CORO1B: variants seen among roughly 807,000 people sequenced by gnomAD.
CORO1B encodes coronin 1B, also known as coronin-1B.
CORO1B carries 30 observed loss-of-function variants against 51.1 expected under a neutral mutation model. That is an observed-to-expected ratio of 0.59 (90% CI 0.44 to 0.80). CORO1B has a LOEUF of 0.80. Among genes scored for constraint, CORO1B ranks in the 30% least tolerant of loss-of-function variants. CORO1B has a pLI of 0.00. For synonymous variants in CORO1B, 310 were observed against 289.7 expected (o/e 1.07, Z -0.71); for missense variants, 648 against 700.4 (o/e 0.93, Z 0.84).
rs755075143 is a variant in CORO1B, at chr11:67,441,173, G to C, written c.708C>G (p.Thr236=). ...GCTCGCTCATTCGGCTGAAGCCTGT[G>C]GTGAACACCTTGCCATCTGCCAGGA... ...AIFLADGKVF[T]TGFSRMSERQ... Residue 236 remains threonine (T), a synonymous_variant, in exon 6 of 11, where the codon ACC becomes ACG. Coordinates refer to ENST00000341356, the MANE Select transcript of CORO1B (RefSeq NM_020441.3). 1.8e-5 allele frequency: 29 copies of C among 1,613,034 alleles called. No individual in the cohort carries two copies. Among genetic ancestry groups the C allele is most frequent in the Non-Finnish European group, 2.5e-5 (29 of 1,180,024 alleles).
At position 67,436,431 on chromosome 11, in the gene CORO1B, A is replaced by ACTTTCGTTTTTTTCT; in HGVS notation, c.*1930_*1944dup. On this transcript the variant is annotated 3_prime_UTR_variant, in exon 11 of 11. Coordinates refer to ENST00000341356, the MANE Select transcript of CORO1B (RefSeq NM_020441.3). ...TGGGGCAGGCTGGGTGACCAAGACC[A>ACTTTCGTTTTTTTCT]CTTTCGTTTTTTTCTCTTTGGGATC... 7.1e-7 allele frequency: 1 copy of ACTTTCGTTTTTTTCT among 1,401,270 alleles called. No individual in the cohort carries two copies. Among genetic ancestry groups the ACTTTCGTTTTTTTCT allele is most frequent in the Non-Finnish European group, 9.3e-7 (1 of 1,078,482 alleles). 86.8% of individuals were successfully genotyped at this position (1,401,270 alleles called of 1,614,324 possible). A position where few individuals can be genotyped will look rare whatever the true frequency, so the allele number is the denominator to read the frequency against.
Position 67,437,725 on chromosome 11 carries a change from G to T in CORO1B, c.*651C>A. 2 of 1,243,756 alleles carry T rather than the reference G, an allele frequency of 1.6e-6. No homozygotes were observed. Among genetic ancestry groups the T allele is most frequent in the Non-Finnish European group, 2.1e-6 (2 of 960,494 alleles). The allele number at this position is 1,243,756 out of a possible 1,614,324, so 77.0% of individuals were successfully genotyped here. A position where few individuals can be genotyped will look rare whatever the true frequency, so the allele number is the denominator to read the frequency against. The stretch of plus-strand genomic sequence containing the variant: ...GCAGTGAAGGGTGGCCCAGGCTTCC[G>T]CTTCCTGCCCACATACCCCACCTGC... On this transcript the variant is annotated 3_prime_UTR_variant, in exon 11 of 11. Transcript: ENST00000341356.
chr11:67,437,275 T>C lies in CORO1B; in HGVS notation c.*1101A>G, dbSNP rs1864306267. ...GTCGGAACAGGCTAGGTGGGGGGTGTCGGGGGAGGGGTGCTGAGGTGCAGC... is the reference window on the plus strand; with the variant it reads ...GTCGGAACAGGCTAGGTGGGGGGTGCCGGGGGAGGGGTGCTGAGGTGCAGC... On this transcript the variant is annotated 3_prime_UTR_variant, in exon 11 of 11. Coordinates refer to ENST00000341356, the MANE Select transcript of CORO1B (RefSeq NM_020441.3). The C allele has an allele frequency of 3.7e-6, 1 of 267,118 alleles. No homozygotes were observed. The highest frequency in any genetic ancestry group is 9.9e-4 in the Middle Eastern group (1 of 1,006). 16.5% of individuals were successfully genotyped at this position (267,118 alleles called of 1,614,324 possible).
Position 67,435,909 on chromosome 11 carries a change from C to T in CORO1B, c.*2467G>A, listed in dbSNP as rs1864261396. ...CCCTCCGTGTCACTGTCTCTGGCTT[C>T]CTCAGCCCGCACGGGGACCTGCTCT... On this transcript the variant is annotated 3_prime_UTR_variant, in exon 11 of 11. Transcript: ENST00000341356. 5 of 1,612,598 alleles carry T rather than the reference C, an allele frequency of 3.1e-6. No homozygotes were observed. The highest frequency in any genetic ancestry group is 4.2e-6 in the Non-Finnish European group (5 of 1,179,680).
At position 67,441,514 on chromosome 11, in the gene CORO1B, C is replaced by T. The variant is rs1864393893; in HGVS notation, c.455G>A (p.Gly152Asp). ...CCAGATGAGTACCACGTTGTCGCAG[C>T]CTGGCAGGTGAGGGTTGTCAGCTCG... ...PTARNVLLSA[G>D]CDNVVLIWNV... Residue 152 changes from glycine (G) to aspartate (D), a missense_variant and splice_region_variant, in exon 5 of 11, where the codon GGC (glycine) becomes GAC (aspartate). Coordinates refer to ENST00000341356, the MANE Select transcript of CORO1B (RefSeq NM_020441.3). 4 of 1,610,634 alleles carry T rather than the reference C, an allele frequency of 2.5e-6. No homozygotes were observed. Among genetic ancestry groups the T allele is most frequent in the Non-Finnish European group, 3.4e-6 (4 of 1,178,024 alleles).
At position 67,436,357 on chromosome 11, in the gene CORO1B, G is replaced by A. The variant is rs777588354; in HGVS notation, c.*2019C>T. On this transcript the variant is annotated 3_prime_UTR_variant, in exon 11 of 11. Transcript: ENST00000341356. ...CTAAGGTGCAGGGCAGAGCCTGTGGGAGACAGGCAGGGGCTCAGAGGGCTC... is the reference window on the plus strand; with the variant it reads ...CTAAGGTGCAGGGCAGAGCCTGTGGAAGACAGGCAGGGGCTCAGAGGGCTC... 8.3e-6 allele frequency: 12 copies of A among 1,449,924 alleles called. No individual in the cohort carries two copies. Among genetic ancestry groups the A allele is most frequent in the East Asian group, 2.5e-5 (1 of 39,700 alleles). The allele number at this position is 1,449,924 out of a possible 1,614,324, so 89.8% of individuals were successfully genotyped here.
Position 67,442,590 on chromosome 11 carries a change from C to T in CORO1B, c.39G>A (p.Arg13=). The T allele has an allele frequency of 6.2e-7, 1 of 1,613,752 alleles. No homozygotes were observed. Among genetic ancestry groups the T allele is most frequent in the African/African-American group, 1.3e-5 (1 of 75,060 alleles). Residue 13 remains arginine, a synonymous_variant, in exon 2 of 11, where the codon CGG becomes CGA. Coordinates refer to ENST00000341356, the MANE Select transcript of CORO1B (RefSeq NM_020441.3). ...TCTTGACCGGCTGCCCGAACACATG[C>T]CGGAATTTGCTCTGCCGGACCACTT... ...FRKVVRQSKF[R]HVFGQPVKND... is the part of the protein sequence containing the mutation.
intron 6 of CORO1B, chr11:67,440,766 A>G (rs1206144611): frequency 2.0e-5 from 13 of 644,496 alleles, no homozygotes; most frequent in Non-Finnish European, 3.4e-5. Context: ...GGAGGTCACT[A>G]TGCAGAAGCA....
Position 67,443,069 on chromosome 11 carries a change from G to C in CORO1B, c.-3+335C>G, listed in dbSNP as rs528710609. On this transcript the variant is annotated intron_variant, in intron 1 of 10. Coordinates refer to ENST00000341356, the MANE Select transcript of CORO1B (RefSeq NM_020441.3). ...AGCAGGAAAAGTCTCTCTACTGTGGGGCCGAGTGAGTGCCCAGTTCTGAGT... is the reference window on the plus strand; with the variant it reads ...AGCAGGAAAAGTCTCTCTACTGTGGCGCCGAGTGAGTGCCCAGTTCTGAGT... Among the ~76,000 whole-genome samples, 15 of 152,324 alleles carry C rather than the reference G, an allele frequency of 9.8e-5. No individual in the cohort carries two copies. In the South Asian group the frequency reaches 3.1e-3, roughly 32 times the overall value.
In CORO1B at chr11:67,436,282, G is replaced by T; in HGVS notation, c.*2094C>A. 1 of 1,536,692 alleles carries T rather than the reference G, an allele frequency of 6.5e-7. No homozygotes were observed. Reference sequence around the variant, plus strand: ...AGCTGGAGCCCACGCTGTCCTCCGCGCTGCCACCCGAGCCCAAGGCCCCTG... The same window carrying T: ...AGCTGGAGCCCACGCTGTCCTCCGCTCTGCCACCCGAGCCCAAGGCCCCTG... On this transcript the variant is annotated 3_prime_UTR_variant, in exon 11 of 11. Coordinates refer to ENST00000341356, the MANE Select transcript of CORO1B (RefSeq NM_020441.3).
chr11:67,440,463 C>T, intron 6 of CORO1B, 24 bp from the exon 7 acceptor site: 3 of 1,606,104 alleles, frequency 1.9e-6, no homozygotes, highest in Non-Finnish European at 2.6e-6. Context: ...GGCAGTCAGG[C>T]CAAGCAGAAC....
Position 67,438,021 on chromosome 11 carries a change from C to T in CORO1B, c.*355G>A, listed in dbSNP as rs1864320346. 5.6e-6 allele frequency: 2 copies of T among 354,920 alleles called. No individual in the cohort carries two copies. The highest frequency in any genetic ancestry group is 1.0e-5 in the Non-Finnish European group (2 of 196,944). The allele number at this position is 354,920 out of a possible 1,614,324, so 22.0% of individuals were successfully genotyped here. On this transcript the variant is annotated 3_prime_UTR_variant, in exon 11 of 11. Coordinates refer to ENST00000341356, the MANE Select transcript of CORO1B (RefSeq NM_020441.3). The stretch of plus-strand genomic sequence containing the variant: ...TCTCCAGGTTTCCAGACTTCTCAGC[C>T]CCACCCTTGCAGCAGCAGGTCAGCC...
chr11:67,438,387 C>G lies in CORO1B; in HGVS notation c.1459G>C (p.Gly487Arg). The change falls in exon 11 of 11, where the codon GGG (glycine) becomes CGG (arginine). Residue 487 changes from glycine (G) to arginine (R), a missense_variant. Coordinates refer to ENST00000341356, the MANE Select transcript of CORO1B (RefSeq NM_020441.3). ...GTGTGGCTGTGGCCCTACGCATCCC[C>G]GTTCTCCATGCGGCCCAGCTGCTCC... ...LEEQLGRMEN[G>R]DA The G allele has an allele frequency of 6.2e-7, 1 of 1,606,038 alleles. No homozygotes were observed. The highest frequency in any genetic ancestry group is 1.1e-5 in the South Asian group (1 of 90,886).
At position 67,438,243 on chromosome 11, in the gene CORO1B, G is replaced by A. The variant is rs911925436; in HGVS notation, c.*133C>T. 2.6e-6 allele frequency: 3 copies of A among 1,135,088 alleles called. No homozygotes were observed. Among genetic ancestry groups the A allele is most frequent in the Non-Finnish European group, 3.7e-6 (3 of 810,832 alleles). The allele number at this position is 1,135,088 out of a possible 1,614,324, so 70.3% of individuals were successfully genotyped here. A position where few individuals can be genotyped will look rare whatever the true frequency, so the allele number is the denominator to read the frequency against. On this transcript the variant is annotated 3_prime_UTR_variant, in exon 11 of 11. Coordinates refer to ENST00000341356, the MANE Select transcript of CORO1B (RefSeq NM_020441.3). ...GCTGGCTTCGGCCTGGGCCTGGGAC[G>A]GGTGGGGGTGGGAACTGACCCCTGC...
At chr11:67,440,693 G>A (rs1054753145) in intron 6 of CORO1B, 140 of 671,030 alleles carry the variant, frequency 2.1e-4, no homozygotes, top group Non-Finnish European at 3.4e-4. Flanking sequence ...AGCAAGTGCT[G>A]AAACATACCT....
chr11:67,442,154 G>A (rs1024369675), intron 2 of CORO1B, 66 bp from the exon 3 acceptor site: 5 of 1,584,176 alleles, frequency 3.2e-6, no homozygotes, highest in South Asian at 2.2e-5. Flanking sequence ...CCCCTCCATG[G>A]AGTGGGAATG....
At chr11:67,442,887 G>A (rs1236375866) in intron 1 of CORO1B, among the ~76,000 whole-genome samples, 4 of 152,172 alleles carry the variant, frequency 2.6e-5, no homozygotes, top group Non-Finnish European at 5.9e-5. Context: ...AGGACGCAGG[G>A]CCCCTCCCTG....
rs749149418 is a variant in CORO1B at position 67,438,474 on chromosome 11, G to A, written c.1372C>T (p.Gln458Ter). The A allele has an allele frequency of 1.9e-6, 3 of 1,610,104 alleles. No individual in the cohort carries two copies. The highest frequency in any genetic ancestry group is 2.2e-5 in the South Asian group (2 of 90,970). ...AGCGCCCTCAGGGCCCGCAGCTCCTGCATCACCTCCTCCAGCTTCCCAGCC... is the reference window on the plus strand; with the variant it reads ...AGCGCCCTCAGGGCCCGCAGCTCCTACATCACCTCCTCCAGCTTCCCAGCC... Reference protein sequence around the residue: ...GEAGKLEEVMQELRALRALVK... With the variant: ...GEAGKLEEVM Residue 458 changes from glutamine to a stop codon, truncating the protein, a stop_gained, in exon 11 of 11, where the codon CAG (glutamine) becomes TAG (stop). Transcript: ENST00000341356. LOFTEE classifies it high-confidence loss of function.
intron 1 of CORO1B, among the ~76,000 whole-genome samples, chr11:67,443,009 T>G (rs999017557): frequency 6.6e-6 from 1 of 151,978 alleles, no homozygotes; most frequent in African/African-American, 2.4e-5. Flanking sequence ...TCCCAGAGAT[T>G]TGGAGGCTAG....
Sources: gnomAD v4.1 joint callset for allele counts (sites outside exome capture counted in the v4.1 genomes callset) on GRCh38, gnomAD v4.1.1 for gene constraint, MANE v1.5 for transcripts, NCBI Gene and HGNC (gene_info 2026-07-23, HGNC 2026-07-21) for gene names.